ERC1: variants seen among roughly 807,000 people sequenced by gnomAD.
The protein encoded by ERC1 is ELKS/RAB6-interacting/CAST family member 1, also known as RAB6 interacting protein 2.
In ERC1, 56 loss-of-function variants were observed where a neutral mutation model predicts 132.0. That is an observed-to-expected ratio of 0.42 (90% CI 0.34 to 0.53). ERC1 has a LOEUF of 0.53. Among genes scored for constraint, ERC1 ranks in the 20% least tolerant of loss-of-function variants. The pLI is 0.03. For missense variants in ERC1, 1,202 were observed against 1,349.9 expected, an observed-to-expected ratio of 0.89 and a Z score of 1.72; for synonymous variants, 478 against 476.1, an observed-to-expected ratio of 1.00 and a Z score of -0.05.
intron 16 of ERC1, among the ~76,000 whole-genome samples, chr12:1,383,228 G>A (rs1171670475): frequency 6.6e-6 from 1 of 152,136 alleles, no homozygotes; most frequent in Non-Finnish European, 1.5e-5. Context: ...ATACGCTGGT[G>A]CCCTCCTCTC....
chr12:1,361,190 CTG>C (rs2086068915), intron 15 of ERC1, among the ~76,000 whole-genome samples: 2 of 136,988 alleles, frequency 1.5e-5, no homozygotes, highest in South Asian at 4.8e-4. Context: ...ATTTCAGTCT[CTG>C]GACTAAAAAA....
At chr12:1,109,973 A>G (rs1945673157) in intron 4 of ERC1, among the ~76,000 whole-genome samples, 1 of 152,222 alleles carries the variant, frequency 6.6e-6, no homozygotes, top group South Asian at 2.1e-4. Context: ...GCTTGAACCC[A>G]GAGGCAGAGG....
intron 18 of ERC1, among the ~76,000 whole-genome samples, chr12:1,473,485 C>CT (rs1339698221): frequency 6.6e-6 from 1 of 152,030 alleles, no homozygotes; most frequent in Non-Finnish European, 1.5e-5. Flanking sequence ...GGAAGGGGAG[C>CT]TGGGTGTGAT....
intron 15 of ERC1, among the ~76,000 whole-genome samples, chr12:1,309,777 G>A (rs2081156130): frequency 1.3e-5 from 2 of 149,122 alleles, no homozygotes; most frequent in Non-Finnish European, 3.0e-5. Context: ...ACTAGTTAAG[G>A]TCACAGACTC....
intron 16 of ERC1, among the ~76,000 whole-genome samples, chr12:1,392,699 A>C (rs2090077430): frequency 6.6e-6 from 1 of 152,222 alleles, no homozygotes; most frequent in Non-Finnish European, 1.5e-5. Context: ...GGATTTATAA[A>C]ATTATAAGTG....
chr12:1,210,681 CT>C (rs1207785980), intron 12 of ERC1, among the ~76,000 whole-genome samples: 28 of 152,212 alleles, frequency 1.8e-4, no homozygotes, highest in Admixed American at 1.6e-3. Context: ...CTGTCAATGG[CT>C]ACAAAAGACA....
chr12:1,403,335 T>G (rs1008270290), intron 16 of ERC1, among the ~76,000 whole-genome samples: 5 of 152,204 alleles, frequency 3.3e-5, no homozygotes, highest in African/African-American at 1.2e-4. Context: ...AAAATATCTT[T>G]CATGTCAGTA....
At chr12:1,023,051 A>T (rs948586492) in intron 1 of ERC1, among the ~76,000 whole-genome samples, 3 of 152,184 alleles carry the variant, frequency 2.0e-5, no homozygotes, top group African/African-American at 7.2e-5. Context: ...AGCCCTGCAG[A>T]ACTGTGAGTC....
At chr12:1,274,781 G>A (rs962897123) in intron 14 of ERC1, among the ~76,000 whole-genome samples, 2 of 152,146 alleles carry the variant, frequency 1.3e-5, no homozygotes, top group African/African-American at 4.8e-5. Context: ...ATGAGCCACC[G>A]TGCCTAGCTG....
chr12:1,361,734 G>A (rs2086146111), intron 15 of ERC1, among the ~76,000 whole-genome samples: 1 of 152,182 alleles, frequency 6.6e-6, no homozygotes, highest in Admixed American at 6.5e-5. Flanking sequence ...ATAAGACCGT[G>A]ATTATTCATT....
intron 9 of ERC1, 64 bp from the exon 10 acceptor site, chr12:1,181,858 AAGC>A: frequency 6.8e-7 from 1 of 1,465,586 alleles, no homozygotes; most frequent in Middle Eastern, 1.8e-4. Context: ...ATTCTGCTAA[AAGC>A]AGAATTACAG....
intron 15 of ERC1, among the ~76,000 whole-genome samples, chr12:1,296,775 T>G (rs2079985311): frequency 1.3e-5 from 2 of 152,144 alleles, no homozygotes; most frequent in Admixed American, 1.3e-4. Flanking sequence ...TCAATTGAAA[T>G]TATTCAATCT....
chr12:1,298,571 A>G (rs2154343863), intron 15 of ERC1, among the ~76,000 whole-genome samples: 1 of 151,654 alleles, frequency 6.6e-6, no homozygotes, highest in African/African-American at 2.4e-5. Flanking sequence ...CAAACAAAGA[A>G]AAAGCACCTG....
intron 3 of ERC1, among the ~76,000 whole-genome samples, chr12:1,093,510 T>C (rs1943521792): frequency 6.6e-6 from 1 of 152,190 alleles, no homozygotes; most frequent in East Asian, 1.9e-4. Flanking sequence ...GGGTCTTCAA[T>C]CCATATGCAT....
At chr12:1,438,953 A>AT (rs200861136) in intron 17 of ERC1, among the ~76,000 whole-genome samples, 1,907 of 133,906 alleles carry the variant, frequency 0.014, 20 homozygotes, top group South Asian at 0.03. Context: ...ATTTAAAAAA[A>AT]AATATATATA....
chr12:1,382,544 T>G (rs1591655894), intron 16 of ERC1, among the ~76,000 whole-genome samples: 2 of 152,274 alleles, frequency 1.3e-5, no homozygotes, highest in African/African-American at 4.8e-5. Flanking sequence ...TAATTGTGTT[T>G]GTTTTAACAC....
At chr12:1,129,581 C>A (rs576555549) in intron 7 of ERC1, among the ~76,000 whole-genome samples, 2 of 152,156 alleles carry the variant, frequency 1.3e-5, no homozygotes, top group East Asian at 3.9e-4. Context: ...AAAGGATTAA[C>A]AATTAGGCCA....
At chr12:1,313,654 C>T (rs73032745) in intron 15 of ERC1, among the ~76,000 whole-genome samples, 5,256 of 151,984 alleles carry the variant, frequency 0.035, 98 homozygotes, top group Middle Eastern at 0.075. Context: ...TATCCTATGA[C>T]GTTTCAGTAT....
At chr12:1,022,872 C>T (rs901174091) in intron 1 of ERC1, among the ~76,000 whole-genome samples, 4 of 152,146 alleles carry the variant, frequency 2.6e-5, no homozygotes, top group African/African-American at 7.2e-5. Context: ...CTGACCTTGG[C>T]CTCCCAAAGT....
Sources: gnomAD v4.1 joint callset for allele counts (sites outside exome capture counted in the v4.1 genomes callset) on GRCh38, gnomAD v4.1.1 for gene constraint, MANE v1.5 for transcripts, NCBI Gene and HGNC (gene_info 2026-07-23, HGNC 2026-07-21) for gene names.